GPC5: variants seen among roughly 807,000 people sequenced by gnomAD.
The protein encoded by GPC5 is glypican-5.
Under a neutral mutation model 53.9 loss-of-function variants are expected in GPC5, and 47 were observed. The ratio of observed to expected loss-of-function variants is 0.87; its 90% CI spans 0.69 to 1.11. The LOEUF (loss-of-function observed/expected upper bound fraction) is 1.11, where lower values mean the gene tolerates loss of function less well. Among genes scored for constraint, GPC5 ranks in the 50% most tolerant of loss-of-function variants. The pLI is 0.00. For missense variants in GPC5, 748 were observed against 713.1 expected (o/e 1.05, Z -0.56); for synonymous variants, 286 against 263.3 (o/e 1.09, Z -0.84).
chr13:91,856,733 GCT>G (rs1171419405), intron 5 of GPC5, among the ~76,000 whole-genome samples: 2 of 150,854 alleles, frequency 1.3e-5, no homozygotes, highest in Admixed American at 1.3e-4. Context: ...TCTGCAGCTT[GCT>G]GTTTTATTTT....
At chr13:91,459,258 A>G (rs1270745801) in intron 2 of GPC5, among the ~76,000 whole-genome samples, 4 of 152,050 alleles carry the variant, frequency 2.6e-5, no homozygotes, top group Non-Finnish European at 5.9e-5. Context: ...TTGCACCACT[A>G]TACTCCAGCT....
Position 91,693,641 on chromosome 13 carries a change from C to T in GPC5, c.780C>T (p.His260=), listed in dbSNP as rs781584942. The change falls in exon 3 of 8, where the codon CAC becomes CAT. Residue 260 remains histidine, a synonymous_variant. Transcript: ENST00000377067. ...RALLKMQYCP[H]CQGLALTKPC... Reference sequence around the variant, plus strand: ...TCCTGAAGATGCAATACTGCCCGCACTGCCAAGGCCTGGCGCTCACTAAGC... The same window carrying T: ...TCCTGAAGATGCAATACTGCCCGCATTGCCAAGGCCTGGCGCTCACTAAGC... The T allele has an allele frequency of 4.3e-6, 7 of 1,613,982 alleles. No homozygotes were observed. Among genetic ancestry groups the T allele is most frequent in the Non-Finnish European group, 5.9e-6 (7 of 1,179,976 alleles).
At chr13:92,105,097 T>C (rs936984471) in intron 6 of GPC5, among the ~76,000 whole-genome samples, 3 of 148,376 alleles carry the variant, frequency 2.0e-5, no homozygotes, top group Non-Finnish European at 3.0e-5. Context: ...TTTTAATTGA[T>C]TTTTTTTTTC....
intron 6 of GPC5, among the ~76,000 whole-genome samples, chr13:91,974,165 C>A (rs1384467970): frequency 2.0e-5 from 3 of 152,200 alleles, no homozygotes; most frequent in African/African-American, 7.2e-5. Flanking sequence ...CAATATCATA[C>A]TGAATGGGCA....
chr13:91,830,542 T>A (rs2038638956), intron 5 of GPC5, among the ~76,000 whole-genome samples: 1 of 151,744 alleles, frequency 6.6e-6, no homozygotes, highest in Admixed American at 6.6e-5. Flanking sequence ...TTTACAGTTT[T>A]ATGTTCAGAG....
intron 7 of GPC5, among the ~76,000 whole-genome samples, chr13:92,451,560 G>A (rs1187377025): frequency 1.3e-5 from 2 of 151,824 alleles, no homozygotes; most frequent in Non-Finnish European, 2.9e-5. Context: ...GTATATGAAA[G>A]TCAAGATTTC....
intron 7 of GPC5, among the ~76,000 whole-genome samples, chr13:92,357,097 T>C (rs935935870): frequency 2.0e-5 from 3 of 151,882 alleles, no homozygotes; most frequent in Non-Finnish European, 2.9e-5. Flanking sequence ...TGTACCACAA[T>C]TTCTTTATCC....
intron 2 of GPC5, among the ~76,000 whole-genome samples, chr13:91,623,730 TAAC>T (rs2033927223): frequency 6.6e-6 from 1 of 152,120 alleles, no homozygotes; most frequent in African/African-American, 2.4e-5. Context: ...GCTCTGCAGA[TAAC>T]AACATAGGAC....
intron 1 of GPC5, among the ~76,000 whole-genome samples, chr13:91,432,211 G>C (rs879932577): frequency 0.23 from 27,190 of 118,848 alleles, 2,343 homozygotes; most frequent in East Asian, 0.45. Flanking sequence ...TGCTGTGTGT[G>C]TGTGTGTGTG....
intron 6 of GPC5, among the ~76,000 whole-genome samples, chr13:92,090,242 C>A (rs749277626): frequency 3.8e-4 from 58 of 152,098 alleles, no homozygotes; most frequent in Non-Finnish European, 7.6e-4. Context: ...AAATATATTG[C>A]CATTTTTGAA....
Position 92,362,300 on chromosome 13 carries a change from C to T in GPC5, c.1561+217311C>T, listed in dbSNP as rs147944387. Among the ~76,000 whole-genome samples, 354 of 151,734 alleles carry T rather than the reference C, an allele frequency of 2.3e-3. 9 individuals carry two copies. The highest frequency in any genetic ancestry group is 8.1e-3 in the African/African-American group (331 of 41,064). The stretch of plus-strand genomic sequence containing the variant: ...AAGTCCATGGATAAAGAAGCTGGTA[C>T]ACAGTGGGTATTGTTATTATACTGA... On this transcript the variant is annotated intron_variant, in intron 7 of 7. Coordinates refer to ENST00000377067, the MANE Select transcript of GPC5 (RefSeq NM_004466.6).
At chr13:91,465,632 TC>T (rs760179472) in intron 2 of GPC5, among the ~76,000 whole-genome samples, 1 of 152,194 alleles carries the variant, frequency 6.6e-6, no homozygotes, top group Non-Finnish European at 1.5e-5. Context: ...CTGGGCTAAT[TC>T]CATTTAATTG....
chr13:92,207,663 A>G (rs2042347197), intron 7 of GPC5, among the ~76,000 whole-genome samples: 1 of 152,172 alleles, frequency 6.6e-6, no homozygotes, highest in South Asian at 2.1e-4. Context: ...TCTTGCCTTC[A>G]TCTTCTCTTA....
Position 91,738,110 on chromosome 13 carries a change from G to A in GPC5, c.1154+9445G>A, listed in dbSNP as rs966579201. Among the ~76,000 whole-genome samples, 4 of 151,260 alleles carry A rather than the reference G, an allele frequency of 2.6e-5. 1 individual carries two copies. Among genetic ancestry groups the A allele is most frequent in the African/African-American group, 7.4e-5 (3 of 40,630 alleles). On this transcript the variant is annotated intron_variant, in intron 4 of 7. Transcript: ENST00000377067. ...GAAATAAAATTTGCCTTGTTACACA[G>A]GTAAACTTCGCACTGGTGATAAAGA...
chr13:92,780,761 G>A (rs951515585), intron 7 of GPC5, among the ~76,000 whole-genome samples: 2 of 152,010 alleles, frequency 1.3e-5, no homozygotes, highest in African/African-American at 4.8e-5. Flanking sequence ...GGCATAAAAT[G>A]CTATGAAAGT....
At chr13:92,593,076 A>G (rs1159308833) in intron 7 of GPC5, among the ~76,000 whole-genome samples, 1 of 151,202 alleles carries the variant, frequency 6.6e-6, no homozygotes, top group African/African-American at 2.4e-5. Context: ...AGGGATGGGG[A>G]TGAACTGAGT....
At chr13:91,858,055 G>A (rs76087997) in intron 5 of GPC5, among the ~76,000 whole-genome samples, 1,527 of 151,604 alleles carry the variant, frequency 0.01, 33 homozygotes, top group African/African-American at 0.035. Flanking sequence ...TTCATAGGTT[G>A]GTTGTTTATT....
At chr13:91,767,398 A>G (rs997668391) in intron 5 of GPC5, among the ~76,000 whole-genome samples, 11 of 152,212 alleles carry the variant, frequency 7.2e-5, no homozygotes, top group Admixed American at 5.9e-4. Context: ...TAAAAGTAAA[A>G]TGCTTATTTC....
At chr13:92,222,903 T>C (rs1292918881) in intron 7 of GPC5, among the ~76,000 whole-genome samples, 1 of 152,154 alleles carries the variant, frequency 6.6e-6, no homozygotes, top group African/African-American at 2.4e-5. Flanking sequence ...ATGGCAAATA[T>C]CAGTATGTAC....
Sources: gnomAD v4.1 joint callset for allele counts (sites outside exome capture counted in the v4.1 genomes callset) on GRCh38, gnomAD v4.1.1 for gene constraint, MANE v1.5 for transcripts, NCBI Gene and HGNC (gene_info 2026-07-23, HGNC 2026-07-21) for gene names.